PCP4: variants seen among roughly 807,000 people sequenced by gnomAD.
The protein encoded by PCP4 is Purkinje cell protein 4.
A neutral mutation model predicts 10.0 loss-of-function variants in PCP4; 8 were observed. That is an observed-to-expected ratio of 0.80 (90% CI 0.47 to 1.45). The LOEUF (loss-of-function observed/expected upper bound fraction) is 1.45. Among genes scored for constraint, PCP4 ranks in the 40% most tolerant of loss-of-function variants. PCP4 has a pLI of 0.00. For synonymous variants in PCP4, 21 were observed against 23.0 expected (o/e 0.91, Z 0.24); for missense variants, 54 against 74.4 (o/e 0.73, Z 1.01).
At chr21:39,887,239 G>C (rs945135926) in intron 1 of PCP4, among the ~76,000 whole-genome samples, 1 of 152,108 alleles carries the variant, frequency 6.6e-6, no homozygotes, top group African/African-American at 2.4e-5. Context: ...CAGAATTTCA[G>C]CCTTTGGGTC....
At chr21:39,870,008 C>G (rs1306344854) in intron 1 of PCP4, among the ~76,000 whole-genome samples, 2 of 152,214 alleles carry the variant, frequency 1.3e-5, no homozygotes, top group Non-Finnish European at 2.9e-5. Flanking sequence ...GGCTCCGGAG[C>G]TCATTAGCTG....
intron 2 of PCP4, among the ~76,000 whole-genome samples, chr21:39,923,189 G>A (rs188673697): frequency 1.3e-5 from 2 of 152,338 alleles, no homozygotes; most frequent in East Asian, 1.9e-4. Flanking sequence ...AGGAAAAGCC[G>A]TAGACAAGTC....
intron 1 of PCP4, among the ~76,000 whole-genome samples, chr21:39,889,420 T>C (rs1482271068): frequency 7.0e-6 from 1 of 142,482 alleles, no homozygotes; most frequent in Non-Finnish European, 1.5e-5. Context: ...TCTTTTTTTT[T>C]TTTTTTTTTT....
At chr21:39,887,388 A>G (rs1185390771) in intron 1 of PCP4, among the ~76,000 whole-genome samples, 1 of 150,738 alleles carries the variant, frequency 6.6e-6, no homozygotes, top group Non-Finnish European at 1.5e-5. Context: ...TTCTAGCTGA[A>G]GTTTTCTTTT....
At chr21:39,915,496 A>T (rs1489468368) in intron 2 of PCP4, among the ~76,000 whole-genome samples, 2 of 152,228 alleles carry the variant, frequency 1.3e-5, no homozygotes, top group Non-Finnish European at 1.5e-5. Flanking sequence ...CCAAGATAAC[A>T]ACTGCTTAAA....
intron 1 of PCP4, among the ~76,000 whole-genome samples, chr21:39,885,866 A>G (rs1038344886): frequency 6.6e-6 from 1 of 152,256 alleles, no homozygotes; most frequent in Non-Finnish European, 1.5e-5. Flanking sequence ...CAGCTTAAAC[A>G]ACAGAAATGT....
At chr21:39,880,938 G>T (rs1268097279) in intron 1 of PCP4, among the ~76,000 whole-genome samples, 1 of 152,120 alleles carries the variant, frequency 6.6e-6, no homozygotes. Flanking sequence ...AACAAAATAT[G>T]GAACAAATAT....
At chr21:39,875,729 A>G (rs917076357) in intron 1 of PCP4, among the ~76,000 whole-genome samples, 5 of 152,362 alleles carry the variant, frequency 3.3e-5, no homozygotes, top group East Asian at 1.9e-4. Context: ...AAGGATATCA[A>G]TACTCCCAAG....
intron 2 of PCP4, among the ~76,000 whole-genome samples, chr21:39,925,303 C>T (rs569013056): frequency 1.3e-5 from 2 of 152,314 alleles, no homozygotes; most frequent in East Asian, 3.9e-4. Flanking sequence ...ACTCGCCTCA[C>T]AGACTGAAGT....
chr21:39,897,012 G>C (rs1010271828), intron 1 of PCP4, among the ~76,000 whole-genome samples: 7 of 151,980 alleles, frequency 4.6e-5, no homozygotes, highest in Non-Finnish European at 8.8e-5. Flanking sequence ...GGAAGTCCAG[G>C]CTCCAGTCTT....
intron 2 of PCP4, among the ~76,000 whole-genome samples, chr21:39,900,008 A>T (rs76686298): frequency 0.14 from 21,154 of 151,966 alleles, 1,679 homozygotes; most frequent in Middle Eastern, 0.23. Context: ...CAGTCAGAAG[A>T]CTTCTCAGAG....
chr21:39,920,346 G>A (rs2087591133), intron 2 of PCP4, among the ~76,000 whole-genome samples: 1 of 147,324 alleles, frequency 6.8e-6, no homozygotes, highest in African/African-American at 2.5e-5. Flanking sequence ...GTATGTGTGT[G>A]GTGTGTTTGC....
At chr21:39,879,312 G>T (rs1691831865) in intron 1 of PCP4, among the ~76,000 whole-genome samples, 1 of 152,090 alleles carries the variant, frequency 6.6e-6, no homozygotes. Context: ...TAAAATAGAT[G>T]TAGCAATTTG....
Position 39,918,197 on chromosome 21 carries a change from A to G in PCP4, c.62-10787A>G, listed in dbSNP as rs146434748. On this transcript the variant is annotated intron_variant, in intron 2 of 2. Transcript: ENST00000328619. ...CAACAGAAAAATTAGTATTTCTTCA[A>G]TGATGATTATACCTTGTTTTTTTGT... is the stretch of plus-strand genomic sequence containing the variant. 1.7e-3 allele frequency among the ~76,000 whole-genome samples: 252 copies of G among 152,368 alleles called. 1 individual carries two copies. The highest frequency in any genetic ancestry group is 5.7e-3 in the African/African-American group (239 of 41,592).
chr21:39,889,096 G>A (rs1055311975), intron 1 of PCP4, among the ~76,000 whole-genome samples: 1 of 152,134 alleles, frequency 6.6e-6, no homozygotes, highest in African/African-American at 2.4e-5. Flanking sequence ...TGTGAGCCAG[G>A]GGCCTCTGTG....
chr21:39,918,665 G>T (rs1185618345), intron 2 of PCP4, among the ~76,000 whole-genome samples: 1 of 152,230 alleles, frequency 6.6e-6, no homozygotes, highest in African/African-American at 2.4e-5. Flanking sequence ...GACTGCTAAT[G>T]CCTGAACTTG....
intron 1 of PCP4, among the ~76,000 whole-genome samples, chr21:39,892,019 A>G (rs12627485): frequency 0.17 from 25,784 of 152,170 alleles, 2,465 homozygotes; most frequent in East Asian, 0.27. Flanking sequence ...GCCTTCCACA[A>G]GAAGCTGGTG....
chr21:39,888,125 C>T (rs2087409780), intron 1 of PCP4, among the ~76,000 whole-genome samples: 1 of 152,166 alleles, frequency 6.6e-6, no homozygotes, highest in Non-Finnish European at 1.5e-5. Flanking sequence ...AAAAAGAAGA[C>T]AGCACTGTGG....
Position 39,926,875 on chromosome 21 carries a change from G to A in PCP4, c.62-2109G>A, listed in dbSNP as rs973895986. On this transcript the variant is annotated intron_variant, in intron 2 of 2. Transcript: ENST00000328619. ...GACAATGTGAATAGCTACCTGGAGT[G>A]TGAGAAACAGTTCCACTTGTCTATC... 2.0e-5 allele frequency among the ~76,000 whole-genome samples: 3 copies of A among 152,306 alleles called. No individual in the cohort carries two copies. The East Asian group carries it at 5.8e-4, about 29-fold the overall frequency.
Sources: gnomAD v4.1 joint callset for allele counts (sites outside exome capture counted in the v4.1 genomes callset) on GRCh38, gnomAD v4.1.1 for gene constraint, MANE v1.5 for transcripts, NCBI Gene and HGNC (gene_info 2026-07-23, HGNC 2026-07-21) for gene names.